The following ANKS1B variants were observed in gnomAD, a reference collection of about 807,000 sequenced individuals.
ANKS1B encodes ankyrin repeat and sterile alpha motif domain containing 1B.
ANKS1B carries 36 observed loss-of-function variants against 148.3 expected under a neutral mutation model. The ratio of observed to expected loss-of-function variants is 0.24; its 90% CI spans 0.19 to 0.32. The LOEUF is 0.32. Among genes scored for constraint, ANKS1B ranks in the 10% least tolerant of loss-of-function variants. The pLI is 1.00. For synonymous variants in ANKS1B, 542 were observed against 560.8 expected (o/e 0.97, Z 0.47); for missense variants, 1,157 against 1,542.6 (o/e 0.75, Z 4.19).
At chr12:99,261,967 A>G (rs1220160580) in intron 12 of ANKS1B, among the ~76,000 whole-genome samples, 1 of 151,972 alleles carries the variant, frequency 6.6e-6, no homozygotes, top group East Asian at 1.9e-4. Context: ...TTTTCCCTTA[A>G]CTGACATCCA....
intron 1 of ANKS1B, among the ~76,000 whole-genome samples, chr12:99,928,424 G>A (rs11610691): frequency 0.12 from 17,919 of 150,248 alleles, 1,415 homozygotes; most frequent in Middle Eastern, 0.18. Context: ...GACTACAGGC[G>A]CCCGCCACCG....
intron 17 of ANKS1B, among the ~76,000 whole-genome samples, chr12:99,003,768 T>C (rs1232034675): frequency 2.0e-5 from 3 of 152,164 alleles, no homozygotes; most frequent in South Asian, 4.1e-4. Flanking sequence ...CGGTTTGCCA[T>C]CCTGCTGCGA....
chr12:98,843,872 C>A (rs2099428101), intron 17 of ANKS1B, among the ~76,000 whole-genome samples: 1 of 152,096 alleles, frequency 6.6e-6, no homozygotes, highest in African/African-American at 2.4e-5. Flanking sequence ...CTCAAAATTC[C>A]CTTTCCTTCA....
At chr12:99,005,525 T>G (rs543099125) in intron 17 of ANKS1B, among the ~76,000 whole-genome samples, 3 of 152,330 alleles carry the variant, frequency 2.0e-5, no homozygotes, top group Non-Finnish European at 4.4e-5. Flanking sequence ...TGAACATTAT[T>G]TACATCAAAA....
intron 16 of ANKS1B, among the ~76,000 whole-genome samples, chr12:99,081,962 T>C (rs2049938226): frequency 6.6e-6 from 1 of 152,172 alleles, no homozygotes; most frequent in South Asian, 2.1e-4. Flanking sequence ...GCACTGTCTC[T>C]GCCCTCAGGA....
At chr12:98,967,470 G>GT (rs2099879165) in intron 17 of ANKS1B, among the ~76,000 whole-genome samples, 1 of 151,780 alleles carries the variant, frequency 6.6e-6, no homozygotes, top group South Asian at 2.1e-4. Context: ...GCTTTGGCTG[G>GT]TATCTTAATT....
At chr12:99,064,062 C>T (rs1362527529) in intron 16 of ANKS1B, among the ~76,000 whole-genome samples, 1 of 152,202 alleles carries the variant, frequency 6.6e-6, no homozygotes, top group African/African-American at 2.4e-5. Flanking sequence ...TTTCCCACCA[C>T]TGACTGAGCC....
chr12:99,294,216 T>C (rs1355939606), intron 12 of ANKS1B, among the ~76,000 whole-genome samples: 1 of 152,214 alleles, frequency 6.6e-6, no homozygotes, highest in Non-Finnish European at 1.5e-5. Context: ...AAGACAGATA[T>C]CTGCACTCCT....
intron 25 of ANKS1B, among the ~76,000 whole-genome samples, chr12:98,755,396 G>C (rs1254074544): frequency 6.6e-6 from 1 of 152,234 alleles, no homozygotes; most frequent in East Asian, 1.9e-4. Flanking sequence ...CAGAAAATCT[G>C]AAAGCCCAAC....
chr12:98,973,229 T>G (rs201104315), intron 17 of ANKS1B, among the ~76,000 whole-genome samples: 26,454 of 148,344 alleles, frequency 0.18, 2,652 homozygotes, highest in Non-Finnish European at 0.21. Flanking sequence ...AAAAAAATAA[T>G]AAAGAAAATA....
intron 3 of ANKS1B, among the ~76,000 whole-genome samples, chr12:99,809,625 A>G (rs1397949710): frequency 6.6e-6 from 1 of 152,094 alleles, no homozygotes; most frequent in African/African-American, 2.4e-5. Context: ...AACCTATCTT[A>G]TCTGTATAAT....
chr12:99,074,596 C>T (rs2047256275), intron 16 of ANKS1B, among the ~76,000 whole-genome samples: 2 of 152,282 alleles, frequency 1.3e-5, no homozygotes, highest in South Asian at 4.2e-4. Context: ...CTCGATGTGA[C>T]CCCGTAGAAC....
At chr12:99,093,922 G>A (rs1156806593) in intron 15 of ANKS1B, among the ~76,000 whole-genome samples, 1 of 152,108 alleles carries the variant, frequency 6.6e-6, no homozygotes, top group Non-Finnish European at 1.5e-5. Flanking sequence ...GAAGGGAGTA[G>A]AATTTCCTGA....
chr12:99,632,425 T>C (rs1163480232), intron 9 of ANKS1B, among the ~76,000 whole-genome samples: 1 of 151,842 alleles, frequency 6.6e-6, no homozygotes, highest in Non-Finnish European at 1.5e-5. Flanking sequence ...CCTCACTGCA[T>C]AGGGCAGTAC....
chr12:99,253,719 A>T, intron 12 of ANKS1B, among the ~76,000 whole-genome samples: 1 of 152,228 alleles, frequency 6.6e-6, no homozygotes, highest in Non-Finnish European at 1.5e-5. Flanking sequence ...TTGCCTCCCC[A>T]CAAAATACTT....
intron 17 of ANKS1B, among the ~76,000 whole-genome samples, chr12:98,929,688 A>G (rs576798474): frequency 6.6e-6 from 1 of 152,234 alleles, no homozygotes; most frequent in South Asian, 2.1e-4. Context: ...AGGTAATCCA[A>G]TGGAGGGGAA....
intron 26 of ANKS1B, among the ~76,000 whole-genome samples, chr12:98,749,903 G>A (rs544617992): frequency 5.3e-5 from 8 of 152,124 alleles, no homozygotes; most frequent in Admixed American, 2.0e-4. Flanking sequence ...GGGGTAGGGT[G>A]GATGGGATTT....
intron 9 of ANKS1B, among the ~76,000 whole-genome samples, chr12:99,538,060 T>A (rs1457202723): frequency 1.3e-5 from 2 of 152,132 alleles, no homozygotes; most frequent in East Asian, 3.8e-4. Context: ...AAAAATGAGT[T>A]CACTCTAGGT....
intron 20 of ANKS1B, among the ~76,000 whole-genome samples, chr12:98,805,013 T>C (rs1008395313): frequency 1.3e-5 from 2 of 152,194 alleles, no homozygotes; most frequent in African/African-American, 4.8e-5. Flanking sequence ...TTCATTAGAA[T>C]AGCAAAATGA....
Sources: allele counts gnomAD v4.1 joint callset (sites outside exome capture counted in the v4.1 genomes callset), GRCh38; gene constraint gnomAD v4.1.1; transcripts MANE v1.5; gene names NCBI Gene and HGNC (gene_info 2026-07-23, HGNC 2026-07-21).